COMMD1: variants seen among roughly 807,000 people sequenced by gnomAD.
COMMD1 encodes copper metabolism domain containing 1, also known as COMM domain-containing protein 1.
In COMMD1, 10 loss-of-function variants were observed where a neutral mutation model predicts 17.2. The observed-to-expected ratio is 0.58, with a 90% CI of 0.36 to 0.99. The LOEUF (loss-of-function observed/expected upper bound fraction) is 0.99. COMMD1 is among the 50% of genes least tolerant of loss of function. The probability of loss-of-function intolerance (pLI) is 0.01; values close to 1 mark genes in which losing one functional copy is unlikely to be tolerated. For missense variants in COMMD1, 270 were observed against 231.8 expected, an observed-to-expected ratio of 1.17 and a Z score of -1.07; for synonymous variants, 97 against 91.6, an observed-to-expected ratio of 1.06 and a Z score of -0.34.
At chr2:61,912,516 C>G (rs1374976660) in intron 1 of COMMD1, among the ~76,000 whole-genome samples, 9 of 151,908 alleles carry the variant, frequency 5.9e-5, no homozygotes, top group Admixed American at 3.3e-4. Context: ...GCGGGCAGAT[C>G]ACGAGATCAA....
chr2:62,012,270 TACACACAC>T (rs57739132), intron 2 of COMMD1, among the ~76,000 whole-genome samples: 257 of 129,928 alleles, frequency 2.0e-3, no homozygotes, highest in East Asian at 0.011. Flanking sequence ...CACACACACA[TACACACAC>T]ACACACACAC....
chr2:62,041,968 C>G (rs527827229), intron 2 of COMMD1, among the ~76,000 whole-genome samples: 1 of 152,198 alleles, frequency 6.6e-6, no homozygotes. Context: ...AGGACCTCAG[C>G]GGCTTGCCGC....
chr2:61,931,749 A>G (rs1315149865), intron 1 of COMMD1, among the ~76,000 whole-genome samples: 1 of 152,192 alleles, frequency 6.6e-6, no homozygotes, highest in African/African-American at 2.4e-5. Context: ...GACATAAGTG[A>G]CTTCATTTTG....
Position 61,980,023 on chromosome 2 carries a change from T to A in COMMD1, c.181-20678T>A, listed in dbSNP as rs1424110926. Among the ~76,000 whole-genome samples, 12 of 50,588 alleles carry A rather than the reference T, an allele frequency of 2.4e-4. No individual in the cohort carries two copies. In the South Asian group the frequency reaches 9.3e-3, roughly 39 times the overall value. 33.2% of individuals were successfully genotyped at this position (50,588 alleles called of 152,430 possible). A position where few individuals can be genotyped will look rare whatever the true frequency, so the allele number is the denominator to read the frequency against. ...GTTTGGTTTTTTGTTCTTGCGATAG[T>A]TTACTGAGAATGATGGTTTCCAATT... On this transcript the variant is annotated intron_variant, in intron 1 of 2. Transcript: ENST00000311832.
At chr2:62,063,416 T>G (rs1329899023) in intron 2 of COMMD1, among the ~76,000 whole-genome samples, 1 of 151,902 alleles carries the variant, frequency 6.6e-6, no homozygotes, top group African/African-American at 2.4e-5. Flanking sequence ...GGTCTTAATC[T>G]CCTGACCTCA....
At chr2:62,036,759 T>C (rs1423038918) in intron 2 of COMMD1, among the ~76,000 whole-genome samples, 2 of 152,196 alleles carry the variant, frequency 1.3e-5, no homozygotes, top group African/African-American at 4.8e-5. Context: ...CCACCTTGGT[T>C]TTATTCTGAA....
chr2:61,982,864 A>T (rs1671993954), intron 1 of COMMD1, among the ~76,000 whole-genome samples: 1 of 152,212 alleles, frequency 6.6e-6, no homozygotes, highest in Non-Finnish European at 1.5e-5. Context: ...CATTCCTGGG[A>T]TAAATCCTAC....
At chr2:61,977,241 CTTT>C (rs1160361696) in intron 1 of COMMD1, among the ~76,000 whole-genome samples, 2 of 88,806 alleles carry the variant, frequency 2.3e-5, no homozygotes, top group African/African-American at 4.9e-5. Flanking sequence ...ATAAAGTTTG[CTTT>C]TTTTTTTTTT....
intron 2 of COMMD1, among the ~76,000 whole-genome samples, chr2:62,042,199 T>C (rs1473855481): frequency 6.6e-6 from 1 of 152,184 alleles, no homozygotes; most frequent in Non-Finnish European, 1.5e-5. Context: ...ATCCCTTAGC[T>C]AGACACAAAA....
chr2:61,905,412 T>C (rs566712103), upstream of COMMD1, among the ~76,000 whole-genome samples: 9 of 152,340 alleles, frequency 5.9e-5, no homozygotes, highest in African/African-American at 2.2e-4. Context: ...GAGCAATCTT[T>C]CTTTCCAGTA....
intron 1 of COMMD1, among the ~76,000 whole-genome samples, chr2:61,955,404 G>T (rs1169493878): frequency 6.6e-6 from 1 of 151,954 alleles, no homozygotes; most frequent in Non-Finnish European, 1.5e-5. Context: ...AGAGGCATGT[G>T]CCACTGTACC....
At position 62,048,180 on chromosome 2, in the gene COMMD1, T is replaced by G. The variant is rs369007241; in HGVS notation, c.462+47198T>G. ...AGTTGATGTGAATGAGGAACTAAAT[T>G]TCTTTTTTTTTTTTTTTTTTGAGAT... On this transcript the variant is annotated intron_variant, in intron 2 of 2. Transcript: ENST00000311832. 2.4e-4 allele frequency among the ~76,000 whole-genome samples: 32 copies of G among 134,668 alleles called. No individual in the cohort carries two copies. The South Asian group carries it at 5.1e-3, about 22-fold the overall frequency. 88.3% of individuals were successfully genotyped at this position (134,668 alleles called of 152,430 possible). A position where few individuals can be genotyped will look rare whatever the true frequency, so the allele number is the denominator to read the frequency against.
intron 2 of COMMD1, among the ~76,000 whole-genome samples, chr2:62,003,748 TGTCTATATTTAACATTTG>T (rs1421171764): frequency 6.6e-6 from 1 of 152,192 alleles, no homozygotes; most frequent in Non-Finnish European, 1.5e-5. Flanking sequence ...TATTTCATTT[TGTCTATATTTAACATTTG>T]GTCAGGAATA....
At chr2:62,076,995 G>A (rs539611952) in intron 2 of COMMD1, among the ~76,000 whole-genome samples, 12 of 152,276 alleles carry the variant, frequency 7.9e-5, no homozygotes, top group East Asian at 5.8e-4. Flanking sequence ...GCCTGGCATC[G>A]TGGCTCATGC....
chr2:62,083,806 G>A (rs2103984001), intron 2 of COMMD1, among the ~76,000 whole-genome samples: 1 of 152,310 alleles, frequency 6.6e-6, no homozygotes, highest in Middle Eastern at 3.4e-3. Flanking sequence ...ATAGTATAAG[G>A]GATCCAACAT....
In COMMD1 at chr2:62,098,162, C is replaced by CTTTTTT. The variant is rs1212972398; in HGVS notation, c.463-37656_463-37651dup. On this transcript the variant is annotated intron_variant, in intron 2 of 2. Coordinates refer to ENST00000311832, the MANE Select transcript of COMMD1 (RefSeq NM_152516.4). ...AGAGACTGTTTCCTTTCCTTTCTTTCTTTTTTTTTTTTTTTTTTGAGACAG... is the reference window on the plus strand; with the variant it reads ...AGAGACTGTTTCCTTTCCTTTCTTTCTTTTTTTTTTTTTTTTTTTTTTTTGAGACAG... 6.4e-5 allele frequency among the ~76,000 whole-genome samples: 8 copies of CTTTTTT among 125,846 alleles called. No homozygotes were observed. The East Asian group carries it at 6.9e-4, about 11-fold the overall frequency. 82.6% of individuals were successfully genotyped at this position (125,846 alleles called of 152,430 possible).
chr2:61,896,830 T>C (rs998252966), intron 1 of COMMD1, among the ~76,000 whole-genome samples: 1 of 150,744 alleles, frequency 6.6e-6, no homozygotes, highest in Non-Finnish European at 1.5e-5. Flanking sequence ...TTTTTTTTTT[T>C]TTTTTGTTTT....
At chr2:62,008,075 G>A (rs1312127351) in intron 2 of COMMD1, among the ~76,000 whole-genome samples, 3 of 152,128 alleles carry the variant, frequency 2.0e-5, no homozygotes, top group African/African-American at 4.8e-5. Context: ...CAAGCTACTC[G>A]ATAGAGTGAG....
chr2:62,125,965 C>T (rs141777069), intron 2 of COMMD1, among the ~76,000 whole-genome samples: 3,986 of 152,250 alleles, frequency 0.026, 168 homozygotes, highest in African/African-American at 0.091. Context: ...TGTTCCCTCC[C>T]TGTGTCCATG....
Sources: allele counts gnomAD v4.1 joint callset (sites outside exome capture counted in the v4.1 genomes callset), GRCh38; gene constraint gnomAD v4.1.1; transcripts MANE v1.5; gene names NCBI Gene and HGNC (gene_info 2026-07-23, HGNC 2026-07-21).